The following GCNT3 variants were observed in gnomAD, a reference collection of about 807,000 sequenced individuals.
GCNT3 encodes the protein beta-1,3-galactosyl-O-glycosyl-glycoprotein beta-1,6-N-acetylglucosaminyltransferase 3.
For missense variants in GCNT3, 708 were observed against 530.3 expected (o/e 1.34, Z -3.29); for synonymous variants, 269 against 195.2 (o/e 1.38, Z -3.15).
chr15:59,618,895 G>A lies in GCNT3; in HGVS notation c.657G>A (p.Pro219=), dbSNP rs200140304. 5.3e-5 allele frequency: 85 copies of A among 1,614,118 alleles called. No individual in the cohort carries two copies. The East Asian group carries it at 6.0e-4, about 11-fold the overall frequency. ...CMEDLLQSSV[P]WKYFLNTCGT... ...AAGACTTGCTCCAGAGCTCAGTGCCGTGGAAATACTTCCTGAATACATGTG... is the reference window on the plus strand; with the variant it reads ...AAGACTTGCTCCAGAGCTCAGTGCCATGGAAATACTTCCTGAATACATGTG... The change falls in exon 3 of 3, where the codon CCG becomes CCA. Residue 219 remains proline, a synonymous_variant. Transcript: ENST00000396065.
rs1312258238 is a variant in GCNT3, at chr15:59,619,266, C to T, written c.1028C>T (p.Pro343Leu). Residue 343 changes from proline (P) to leucine (L), a missense_variant, in exon 3 of 3, where the codon CCT becomes CTT. By Grantham distance (98) the Pro-to-Leu change is moderately conservative (BLOSUM62 -3). Coordinates refer to ENST00000396065, the MANE Select transcript of GCNT3 (RefSeq NM_004751.3). ...WATLQRARWMPGSVPNHPKYD... is the reference protein window; with the variant it reads ...WATLQRARWMLGSVPNHPKYD... ...ACCCTTCAGCGTGCACGGTGGATGC[C>T]TGGCTCTGTTCCCAACCACCCCAAG... The T allele has an allele frequency of 1.2e-6, 2 of 1,613,982 alleles. No homozygotes were observed. The highest frequency in any genetic ancestry group is 1.3e-5 in the African/African-American group (1 of 74,876).
rs189510246 is a variant in GCNT3, at chr15:59,613,629, G to C, written c.-251+1648G>C. On this transcript the variant is annotated intron_variant, in intron 1 of 2. Coordinates refer to ENST00000396065, the MANE Select transcript of GCNT3 (RefSeq NM_004751.3). Reference sequence around the variant, plus strand: ...TAATCTCAGCTACTCAGGAGGCTGAGGTAGGAGGATCGCTTGAGCCCAGGA... The same window carrying C: ...TAATCTCAGCTACTCAGGAGGCTGACGTAGGAGGATCGCTTGAGCCCAGGA... 3.8e-3 allele frequency among the ~76,000 whole-genome samples: 584 copies of C among 152,218 alleles called. 2 individuals are homozygous for C. The highest frequency in any genetic ancestry group is 0.013 in the African/African-American group (560 of 41,518).
rs1595657425 is a variant in GCNT3, at chr15:59,619,538, T to C, written c.1300T>C (p.Tyr434His). ...AGAATACCTACGTTATAAGGCCATCTATGGGACTGAACTTTGAGACACACT... is the reference window on the plus strand; with the variant it reads ...AGAATACCTACGTTATAAGGCCATCCATGGGACTGAACTTTGAGACACACT... ...LEEYLRYKAI[Y>H]GTEL Residue 434 changes from tyrosine (Y) to histidine (H), a missense_variant, in exon 3 of 3, where the codon TAT (tyrosine) becomes CAT (histidine). Transcript: ENST00000396065. 8 of 1,593,858 alleles carry C rather than the reference T, an allele frequency of 5.0e-6. No homozygotes were observed. The East Asian group carries it at 1.3e-4, about 27-fold the overall frequency.
chr15:59,619,350 GAGACA>G lies in GCNT3; in HGVS notation c.1113_1117del (p.Asp372ArgfsTer2), dbSNP rs1204958675. 3.7e-6 allele frequency: 6 copies of G among 1,614,116 alleles called. No individual in the cohort carries two copies. In the South Asian group the frequency reaches 6.6e-5, roughly 18 times the overall value. ...CTGGTCAAGTGGCAGGGTCATGAGG[GAGACA>G]TCGATAAGGGTGCTCCTTATGCTCC... is the stretch of plus-strand genomic sequence containing the variant. On this transcript the variant is annotated frameshift_variant, in exon 3 of 3. Coordinates refer to ENST00000396065, the MANE Select transcript of GCNT3 (RefSeq NM_004751.3). LOFTEE classifies it low-confidence loss of function (END_TRUNC).
In GCNT3 at chr15:59,618,918, G is replaced by A. The variant is rs2082733474; in HGVS notation, c.680G>A (p.Cys227Tyr). 7 of 1,614,176 alleles carry A rather than the reference G, an allele frequency of 4.3e-6. No individual in the cohort carries two copies. Among genetic ancestry groups the A allele is most frequent in the Non-Finnish European group, 5.9e-6 (7 of 1,180,038 alleles). Residue 227 changes from cysteine to tyrosine, a missense_variant, in exon 3 of 3, where the codon TGT becomes TAT. Physicochemically the swap from Cys to Tyr is radical, Grantham distance 194. Coordinates refer to ENST00000396065, the MANE Select transcript of GCNT3 (RefSeq NM_004751.3). ...CCGTGGAAATACTTCCTGAATACAT[G>A]TGGGACGGACTTTCCTATAAAGAGC... ...SVPWKYFLNTCGTDFPIKSNA... is the reference protein window; with the variant it reads ...SVPWKYFLNTYGTDFPIKSNA...
In GCNT3 at chr15:59,620,248, A is replaced by C. The variant is rs1005729520; in HGVS notation, c.*693A>C. ...AGTAGTGCAATCTCAGTTCACTGCA[A>C]CCTCCGCCTCCCAGGTTCAAGCGAT... is the stretch of plus-strand genomic sequence containing the variant. On this transcript the variant is annotated 3_prime_UTR_variant, in exon 3 of 3. Coordinates refer to ENST00000396065, the MANE Select transcript of GCNT3 (RefSeq NM_004751.3). 3 of 162,548 alleles carry C rather than the reference A, an allele frequency of 1.8e-5. No individual in the cohort carries two copies. Among genetic ancestry groups the C allele is most frequent in the Admixed American group, 6.6e-5 (1 of 15,260 alleles). 10.1% of individuals were successfully genotyped at this position (162,548 alleles called of 1,614,324 possible). A position where few individuals can be genotyped will look rare whatever the true frequency, so the allele number is the denominator to read the frequency against.
chr15:59,618,637 T>C lies in GCNT3; in HGVS notation c.399T>C (p.Ile133=), dbSNP rs1308381103. 1.2e-6 allele frequency: 2 copies of C among 1,614,008 alleles called. No individual in the cohort carries two copies. The highest frequency in any genetic ancestry group is 1.3e-5 in the African/African-American group (1 of 74,902). The change falls in exon 3 of 3, where the codon ATT becomes ATC. Residue 133 remains isoleucine, a synonymous_variant. Transcript: ENST00000396065. ...GCAAAGAAGAGGTGGAGTTCCCTAT[T>C]GCATACTCTATGGTGATTCATGAGA... ...PLSKEEVEFP[I]AYSMVIHEKI... is the part of the protein sequence containing the mutation.
At position 59,619,545 on chromosome 15, in the gene GCNT3, C is replaced by G. The variant is rs370534774; in HGVS notation, c.1307C>G (p.Thr436Ser). ...CTACGTTATAAGGCCATCTATGGGACTGAACTTTGAGACACACTATGAGAG... is the reference window on the plus strand; with the variant it reads ...CTACGTTATAAGGCCATCTATGGGAGTGAACTTTGAGACACACTATGAGAG... ...EYLRYKAIYG[T>S]EL Residue 436 changes from threonine (T) to serine (S), a missense_variant, in exon 3 of 3, where the codon ACT (threonine) becomes AGT (serine). Physicochemically the swap from Thr to Ser is moderately conservative, Grantham distance 58. Transcript: ENST00000396065. 53 of 1,583,258 alleles carry G rather than the reference C, an allele frequency of 3.3e-5. No individual in the cohort carries two copies. Among genetic ancestry groups the G allele is most frequent in the Non-Finnish European group, 6.9e-6 (8 of 1,157,904 alleles).
At position 59,619,081 on chromosome 15, in the gene GCNT3, G is replaced by T. The variant is rs1487258792; in HGVS notation, c.843G>T (p.Lys281Asn). The T allele has an allele frequency of 6.2e-7, 1 of 1,614,092 alleles. No homozygotes were observed. The highest frequency in any genetic ancestry group is 2.2e-5 in the East Asian group (1 of 44,888). The change falls in exon 3 of 3, where the codon AAG becomes AAT. Residue 281 changes from lysine (K) to asparagine (N), a missense_variant. Coordinates refer to ENST00000396065, the MANE Select transcript of GCNT3 (RefSeq NM_004751.3). ...VVRDTLHLTN[K>N]KKDPPPYNLT... The stretch of plus-strand genomic sequence containing the variant: ...GAGACACATTACACCTAACCAACAA[G>T]AAGAAGGATCCTCCCCCTTATAATT...
intron 1 of GCNT3, among the ~76,000 whole-genome samples, chr15:59,612,953 C>T (rs1470333347): frequency 6.6e-6 from 1 of 151,840 alleles, no homozygotes; most frequent in African/African-American, 2.4e-5. Flanking sequence ...ATTAACACTT[C>T]TGCTTGGTCC....
intron 1 of GCNT3, among the ~76,000 whole-genome samples, chr15:59,613,683 G>A (rs1340513764): frequency 2.6e-5 from 4 of 152,020 alleles, no homozygotes; most frequent in African/African-American, 7.3e-5. Context: ...CTGAGATGGC[G>A]CCACTGCACT....
rs151288958 is a variant in GCNT3 at position 59,617,095 on chromosome 15, T to C, written c.-61+214T>C. ...GATATTCAGTACCCTTTATTGTATT[T>C]ATTTTTTCTTTTTTTTCCATATTCA... is the stretch of plus-strand genomic sequence containing the variant. On this transcript the variant is annotated intron_variant, in intron 2 of 2. Coordinates refer to ENST00000396065, the MANE Select transcript of GCNT3 (RefSeq NM_004751.3). Among the ~76,000 whole-genome samples, 250 of 152,034 alleles carry C rather than the reference T, an allele frequency of 1.6e-3. 1 individual carries two copies. Among genetic ancestry groups the C allele is most frequent in the Middle Eastern group, 6.8e-3 (2 of 294 alleles).
rs773972923 is a variant in GCNT3, at chr15:59,619,168, G to A, written c.930G>A (p.Leu310=). The A allele has an allele frequency of 1.9e-6, 3 of 1,614,064 alleles. No individual in the cohort carries two copies. Among genetic ancestry groups the A allele is most frequent in the Non-Finnish European group, 2.5e-6 (3 of 1,180,004 alleles). ...CCCGAGATTTCGTCCAACATGTTTTGAAGAACCCTAAATCCCAACAACTGA... is the reference window on the plus strand; with the variant it reads ...CCCGAGATTTCGTCCAACATGTTTTAAAGAACCCTAAATCCCAACAACTGA... ...VASRDFVQHV[L]KNPKSQQLIE... Residue 310 remains leucine (L), a synonymous_variant, in exon 3 of 3, where the codon TTG becomes TTA. Coordinates refer to ENST00000396065, the MANE Select transcript of GCNT3 (RefSeq NM_004751.3).
Position 59,618,584 on chromosome 15 carries a change from G to A in GCNT3, c.346G>A (p.Glu116Lys). Residue 116 changes from glutamate (E) to lysine (K), a missense_variant, in exon 3 of 3, where the codon GAA becomes AAA. Coordinates refer to ENST00000396065, the MANE Select transcript of GCNT3 (RefSeq NM_004751.3). ...CAGAGACTGTGAGCACTTCAAGGCTGAAAGGAAGTTCATACAGTTCCCACT... is the reference window on the plus strand; with the variant it reads ...CAGAGACTGTGAGCACTTCAAGGCTAAAAGGAAGTTCATACAGTTCCCACT... ...LTRDCEHFKA[E>K]RKFIQFPLSK... 11 of 1,614,084 alleles carry A rather than the reference G, an allele frequency of 6.8e-6. No homozygotes were observed. Among genetic ancestry groups the A allele is most frequent in the Non-Finnish European group, 9.3e-6 (11 of 1,179,956 alleles).
rs1291280522 is a variant in GCNT3, at chr15:59,619,271, T to C, written c.1033T>C (p.Ser345Pro). The C allele has an allele frequency of 2.5e-6, 4 of 1,613,946 alleles. No homozygotes were observed. The highest frequency in any genetic ancestry group is 2.7e-5 in the African/African-American group (2 of 74,866). ...TCAGCGTGCACGGTGGATGCCTGGC[T>C]CTGTTCCCAACCACCCCAAGTACGA... The part of the protein sequence containing the change: ...TLQRARWMPG[S>P]VPNHPKYDIS... The change falls in exon 3 of 3, where the codon TCT (serine) becomes CCT (proline). Residue 345 changes from serine to proline, a missense_variant. By Grantham distance (74) the Ser-to-Pro change is moderately conservative (BLOSUM62 -1). Coordinates refer to ENST00000396065, the MANE Select transcript of GCNT3 (RefSeq NM_004751.3).
rs764674907 is a variant in GCNT3, at chr15:59,619,268, G to C, written c.1030G>C (p.Gly344Arg). 10 of 1,614,092 alleles carry C rather than the reference G, an allele frequency of 6.2e-6. No homozygotes were observed. The South Asian group carries it at 1.1e-4, about 18-fold the overall frequency. Residue 344 changes from glycine (G) to arginine (R), a missense_variant, in exon 3 of 3, where the codon GGC becomes CGC. Coordinates refer to ENST00000396065, the MANE Select transcript of GCNT3 (RefSeq NM_004751.3). Reference protein sequence around the residue: ...ATLQRARWMPGSVPNHPKYDI... With the variant: ...ATLQRARWMPRSVPNHPKYDI... ...CCTTCAGCGTGCACGGTGGATGCCTGGCTCTGTTCCCAACCACCCCAAGTA... is the reference window on the plus strand; with the variant it reads ...CCTTCAGCGTGCACGGTGGATGCCTCGCTCTGTTCCCAACCACCCCAAGTA...
In GCNT3 at chr15:59,619,415, T is replaced by G. The variant is rs1383798336; in HGVS notation, c.1177T>G (p.Tyr393Asp). Reference sequence around the variant, plus strand: ...AATCCACCAGCGGGCTATCTGCGTTTATGGGGCTGGGGACTTGAATTGGAT... The same window carrying G: ...AATCCACCAGCGGGCTATCTGCGTTGATGGGGCTGGGGACTTGAATTGGAT... ...SGIHQRAICV[Y>D]GAGDLNWMLQ... is the part of the protein sequence containing the mutation. The change falls in exon 3 of 3, where the codon TAT becomes GAT. Residue 393 changes from tyrosine (Y) to aspartate (D), a missense_variant. Tyr to Asp is a radical substitution (Grantham distance 160). Transcript: ENST00000396065. 1.2e-6 allele frequency: 2 copies of G among 1,614,026 alleles called. No individual in the cohort carries two copies. Among genetic ancestry groups the G allele is most frequent in the Non-Finnish European group, 8.5e-7 (1 of 1,180,024 alleles).
chr15:59,613,900 C>G (rs2082707893), intron 1 of GCNT3, among the ~76,000 whole-genome samples: 1 of 152,076 alleles, frequency 6.6e-6, no homozygotes, highest in African/African-American at 2.4e-5. Flanking sequence ...GCCTGTAGTC[C>G]CAGCTACTTG....
chr15:59,619,642 C>G lies in GCNT3; in HGVS notation c.*87C>G, dbSNP rs1400626959. 5 of 823,096 alleles carry G rather than the reference C, an allele frequency of 6.1e-6. No individual in the cohort carries two copies. Among genetic ancestry groups the G allele is most frequent in the Non-Finnish European group, 8.0e-6 (4 of 500,170 alleles). The allele number at this position is 823,096 out of a possible 1,614,324, so 51.0% of individuals were successfully genotyped here. On this transcript the variant is annotated 3_prime_UTR_variant, in exon 3 of 3. Transcript: ENST00000396065. Reference sequence around the variant, plus strand: ...TGCTGGGACAGTGTGGGTGGGAGACCAGGGCTTTGCAATTCGTGGCATCCT... The same window carrying G: ...TGCTGGGACAGTGTGGGTGGGAGACGAGGGCTTTGCAATTCGTGGCATCCT...
Sources: allele counts gnomAD v4.1 joint callset (sites outside exome capture counted in the v4.1 genomes callset), GRCh38; gene constraint gnomAD v4.1.1; transcripts MANE v1.5; gene names NCBI Gene and HGNC (gene_info 2026-07-23, HGNC 2026-07-21).